The following SPPL3 variants were observed in gnomAD, a reference collection of about 807,000 sequenced individuals.
SPPL3 encodes signal peptide peptidase-like 3.
SPPL3 carries 5 observed loss-of-function variants against 42.4 expected under a neutral mutation model. That is an observed-to-expected ratio of 0.12 (90% CI 0.06 to 0.25). SPPL3 has a LOEUF of 0.25. Among genes scored for constraint, SPPL3 ranks in the 10% least tolerant of loss-of-function variants. The pLI is 1.00. For synonymous variants in SPPL3, 195 were observed against 181.8 expected, an observed-to-expected ratio of 1.07 and a Z score of -0.58; for missense variants, 235 against 489.0, an observed-to-expected ratio of 0.48 and a Z score of 4.90.
At chr12:120,898,707 G>C (rs1324802536) in intron 1 of SPPL3, among the ~76,000 whole-genome samples, 1 of 152,176 alleles carries the variant, frequency 6.6e-6, no homozygotes, top group African/African-American at 2.4e-5. Context: ...GACAGATTCA[G>C]TGTCAGAATT....
chr12:120,766,100 G>GCGCACACACACACACACA (rs1186435935), intron 10 of SPPL3, among the ~76,000 whole-genome samples, 163 bp downstream of exon 10: 1 of 84,062 alleles, frequency 1.2e-5, no homozygotes, highest in East Asian at 3.4e-4. Flanking sequence ...GCGCGCGCGC[G>GCGCACACACACACACACA]CACACACACA....
intron 1 of SPPL3, among the ~76,000 whole-genome samples, chr12:120,830,897 G>A (rs1330779827): frequency 2.6e-5 from 4 of 152,070 alleles, no homozygotes; most frequent in East Asian, 1.9e-4. Context: ...GCCCAGCTAC[G>A]TGGTTATACA....
intron 1 of SPPL3, among the ~76,000 whole-genome samples, chr12:120,830,771 C>G (rs1871402655): frequency 6.6e-6 from 1 of 151,976 alleles, no homozygotes; most frequent in African/African-American, 2.4e-5. Flanking sequence ...GAAGTCCTAT[C>G]AGGCTGACTT....
intron 9 of SPPL3, 119 bp downstream of exon 9, chr12:120,767,275 G>A (rs3213572): frequency 0.47 from 507,072 of 1,088,098 alleles, 122,496 homozygotes; most frequent in Admixed American, 0.61. Flanking sequence ...GTCTATTACA[G>A]CACCCAGAAT....
At chr12:120,809,420 A>G (rs1433406117) in intron 2 of SPPL3, among the ~76,000 whole-genome samples, 1 of 152,192 alleles carries the variant, frequency 6.6e-6, no homozygotes, top group Non-Finnish European at 1.5e-5. Context: ...TGTTCTACTC[A>G]GTATTGAGGT....
At chr12:120,884,101 C>A (rs1324192222) in intron 1 of SPPL3, among the ~76,000 whole-genome samples, 14 of 124,074 alleles carry the variant, frequency 1.1e-4, no homozygotes, top group East Asian at 2.3e-4. Flanking sequence ...AACTATGTCT[C>A]AAAAAAAAAA....
At chr12:120,898,881 T>G (rs1873888546) in intron 1 of SPPL3, among the ~76,000 whole-genome samples, 1 of 152,208 alleles carries the variant, frequency 6.6e-6, no homozygotes, top group Non-Finnish European at 1.5e-5. Context: ...AAAATTCACT[T>G]GAAGGAGTTC....
intron 1 of SPPL3, among the ~76,000 whole-genome samples, chr12:120,887,565 G>C (rs1212532067): frequency 6.6e-6 from 1 of 152,190 alleles, no homozygotes; most frequent in African/African-American, 2.4e-5. Context: ...ACAATTATCT[G>C]AGGCTAATTT....
At position 120,794,272 on chromosome 12, in the gene SPPL3, A is replaced by ATT. The variant is rs76687139; in HGVS notation, c.102-2717_102-2716dup. 2.0e-5 allele frequency among the ~76,000 whole-genome samples: 3 copies of ATT among 148,744 alleles called. 1 individual carries two copies. Among genetic ancestry groups the ATT allele is most frequent in the African/African-American group, 7.3e-5 (3 of 40,924 alleles). On this transcript the variant is annotated intron_variant, in intron 2 of 10. Coordinates refer to ENST00000353487, the MANE Select transcript of SPPL3 (RefSeq NM_139015.5). ...TTTTCCTAACCTTTTACTTTTAACT[A>ATT]TTTTTTTTTTAATCCTAACCACTAG...
intron 1 of SPPL3, among the ~76,000 whole-genome samples, chr12:120,853,799 G>A (rs759809087): frequency 1.3e-5 from 2 of 152,050 alleles, no homozygotes; most frequent in African/African-American, 2.4e-5. Flanking sequence ...CTAGTCCAAA[G>A]ACCATACCTT....
intron 6 of SPPL3, among the ~76,000 whole-genome samples, chr12:120,779,396 G>T (rs1869444678): frequency 6.6e-6 from 1 of 152,124 alleles, no homozygotes; most frequent in Admixed American, 6.5e-5. Flanking sequence ...TCCAAAGTCT[G>T]GAGTAGCTTT....
At chr12:120,844,330 T>C (rs1386897844) in intron 1 of SPPL3, among the ~76,000 whole-genome samples, 4 of 152,208 alleles carry the variant, frequency 2.6e-5, no homozygotes, top group Non-Finnish European at 5.9e-5. Context: ...CACTACCAAC[T>C]ACACTACTGC....
intron 1 of SPPL3, among the ~76,000 whole-genome samples, chr12:120,820,306 A>ATTTTTTTTTTTTT (rs11374486): frequency 5.0e-5 from 5 of 100,998 alleles, no homozygotes; most frequent in Non-Finnish European, 7.5e-5. Flanking sequence ...CTTTCTCTAA[A>ATTTTTTTTTTTTT]TTTTTTTTTT....
At chr12:120,807,566 C>T (rs932928392) in intron 2 of SPPL3, among the ~76,000 whole-genome samples, 2 of 151,332 alleles carry the variant, frequency 1.3e-5, no homozygotes, top group African/African-American at 2.4e-5. Context: ...CCCAACTACT[C>T]GGGAGGCTGA....
chr12:120,833,766 AGTGT>A (rs71076664), intron 1 of SPPL3, among the ~76,000 whole-genome samples: 19,266 of 146,486 alleles, frequency 0.13, 1,357 homozygotes, highest in East Asian at 0.22. Flanking sequence ...TGAGTTTTAA[AGTGT>A]GTGTGTGTGT....
chr12:120,775,884 A>C (rs1365111860), intron 6 of SPPL3, among the ~76,000 whole-genome samples: 1 of 152,224 alleles, frequency 6.6e-6, no homozygotes, highest in East Asian at 1.9e-4. Context: ...AACAGACTTC[A>C]GTTAAGAAAC....
chr12:120,868,144 C>T (rs1252883073), intron 1 of SPPL3, among the ~76,000 whole-genome samples: 3 of 152,010 alleles, frequency 2.0e-5, no homozygotes, highest in Non-Finnish European at 2.9e-5. Context: ...TAATCCCAGC[C>T]ATTCAGGAGG....
intron 6 of SPPL3, among the ~76,000 whole-genome samples, chr12:120,776,072 T>C (rs1487606167): frequency 2.6e-5 from 4 of 152,198 alleles, no homozygotes; most frequent in South Asian, 4.1e-4. Flanking sequence ...AACACTAGTC[T>C]GAGAAACAAA....
rs964974182 is a variant in SPPL3 at position 120,852,836 on chromosome 12, C to T, written c.24-41950G>A. Among the ~76,000 whole-genome samples, 77 of 63,458 alleles carry T rather than the reference C, an allele frequency of 1.2e-3. 5 individuals are homozygous for T. The highest frequency in any genetic ancestry group is 2.5e-3 in the African/African-American group (75 of 30,090). 41.6% of individuals were successfully genotyped at this position (63,458 alleles called of 152,430 possible). ...AAATATATATTTCATATAATATATA[C>T]ATATGATATATGAAATACATATTTC... On this transcript the variant is annotated intron_variant, in intron 1 of 10. Transcript: ENST00000353487.
Sources: gnomAD v4.1 joint callset for allele counts (sites outside exome capture counted in the v4.1 genomes callset) on GRCh38, gnomAD v4.1.1 for gene constraint, MANE v1.5 for transcripts, NCBI Gene and HGNC (gene_info 2026-07-23, HGNC 2026-07-21) for gene names.